Variants in SDK1 observed in about 807,000 individuals in gnomAD.
SDK1 encodes sidekick cell adhesion molecule 1, also known as protein sidekick-1.
Under a neutral mutation model 245.5 loss-of-function variants are expected in SDK1, and 157 were observed. That is an observed-to-expected ratio of 0.64 (90% confidence interval 0.56 to 0.73). The LOEUF (loss-of-function observed/expected upper bound fraction) is 0.73, where lower values mean the gene tolerates loss of function less well. Ranked by LOEUF, SDK1 falls within the 30% of genes least tolerant of loss-of-function variation. The pLI, the probability that SDK1 is intolerant of heterozygous loss-of-function variation, is 0.00. For missense variants in SDK1, 3,583 were observed against 3,002.3 expected (o/e 1.19, Z -4.52); for synonymous variants, 1,647 against 1,278.5 (o/e 1.29, Z -6.15).
intron 30 of SDK1, among the ~76,000 whole-genome samples, chr7:4,151,739 T>C (rs1780395471): frequency 1.3e-5 from 2 of 152,214 alleles, no homozygotes; most frequent in African/African-American, 4.8e-5. Context: ...GTAACAACCA[T>C]GTGGACATGC....
At chr7:4,230,292 T>C (rs972703544) in intron 40 of SDK1, among the ~76,000 whole-genome samples, 2 of 149,936 alleles carry the variant, frequency 1.3e-5, no homozygotes, top group Admixed American at 6.7e-5. Flanking sequence ...GATGGGTGGA[T>C]GGATGAATGA....
At chr7:3,770,538 A>T (rs1443367642) in intron 4 of SDK1, among the ~76,000 whole-genome samples, 1 of 152,200 alleles carries the variant, frequency 6.6e-6, no homozygotes, top group East Asian at 1.9e-4. Context: ...TGCTTTCCAG[A>T]GTGCCTGTAG....
chr7:3,633,266 A>C (rs913425432), intron 2 of SDK1, among the ~76,000 whole-genome samples: 4 of 152,160 alleles, frequency 2.6e-5, no homozygotes, highest in African/African-American at 7.2e-5. Context: ...TGAAAGAGAA[A>C]AATCTTACAT....
intron 5 of SDK1, among the ~76,000 whole-genome samples, chr7:3,887,004 C>T (rs1041691352): frequency 6.6e-6 from 1 of 152,142 alleles, no homozygotes. Context: ...AATGAGGCTA[C>T]GTTAATATTT....
At chr7:3,970,359 C>A (rs1285673428) in intron 11 of SDK1, among the ~76,000 whole-genome samples, 1 of 152,134 alleles carries the variant, frequency 6.6e-6, no homozygotes, top group African/African-American at 2.4e-5. Context: ...AATGATCATG[C>A]GTTTAAAGGA....
chr7:3,449,225 A>G (rs1462194502), intron 1 of SDK1, among the ~76,000 whole-genome samples: 1 of 152,184 alleles, frequency 6.6e-6, no homozygotes, highest in Admixed American at 6.5e-5. Context: ...ACCTACAGAG[A>G]GATCTGAAGG....
chr7:3,430,123 C>G (rs570609696), intron 1 of SDK1, among the ~76,000 whole-genome samples: 1 of 152,308 alleles, frequency 6.6e-6, no homozygotes, highest in East Asian at 1.9e-4. Flanking sequence ...GGACAGTAGG[C>G]CTGTGTTTAC....
chr7:4,211,502 G>A (rs756959810), intron 38 of SDK1, among the ~76,000 whole-genome samples: 7 of 152,170 alleles, frequency 4.6e-5, no homozygotes, highest in African/African-American at 7.2e-5. Context: ...CTGGCGTGAA[G>A]TGGAGGAATG....
At chr7:3,437,186 G>T (rs527709952) in intron 1 of SDK1, among the ~76,000 whole-genome samples, 163 of 152,214 alleles carry the variant, frequency 1.1e-3, no homozygotes, top group African/African-American at 3.8e-3. Context: ...GGGGTGAAAG[G>T]AGATATTCCA....
intron 1 of SDK1, among the ~76,000 whole-genome samples, chr7:3,351,169 T>G (rs1167176646): frequency 1.3e-5 from 2 of 152,144 alleles, no homozygotes; most frequent in Non-Finnish European, 2.9e-5. Context: ...TTCCATAGAT[T>G]GGTTAATCTT....
At chr7:3,768,504 G>T (rs969377634) in intron 4 of SDK1, among the ~76,000 whole-genome samples, 6 of 152,198 alleles carry the variant, frequency 3.9e-5, no homozygotes, top group Non-Finnish European at 8.8e-5. Flanking sequence ...TCTCAGCTCA[G>T]CAGCAGTTCC....
At chr7:3,985,149 G>C (rs1344323126) in intron 13 of SDK1, among the ~76,000 whole-genome samples, 3 of 152,056 alleles carry the variant, frequency 2.0e-5, no homozygotes, top group African/African-American at 7.3e-5. Context: ...GGATCTTGGG[G>C]CCCACCATGA....
rs148017908 is a variant in SDK1 at position 3,883,292 on chromosome 7, G to A, written c.847+61709G>A. Among the ~76,000 whole-genome samples, 614 of 152,320 alleles carry A rather than the reference G, an allele frequency of 4.0e-3. 6 individuals carry two copies. Among genetic ancestry groups the A allele is most frequent in the African/African-American group, 0.014 (597 of 41,550 alleles). ...AGGTTTCTTAAAAGCTTAAGGCCTT[G>A]TATATAGCCCTTTGCTCTGTCTCAA... On this transcript the variant is annotated intron_variant, in intron 5 of 44. Transcript: ENST00000404826.
chr7:3,386,259 T>C (rs1781607645), intron 1 of SDK1, among the ~76,000 whole-genome samples: 1 of 152,202 alleles, frequency 6.6e-6, no homozygotes, highest in Non-Finnish European at 1.5e-5. Flanking sequence ...GGTTTTATAC[T>C]TTATCTATTA....
At chr7:3,323,273 C>A (rs574989467) in intron 1 of SDK1, among the ~76,000 whole-genome samples, 41 of 152,308 alleles carry the variant, frequency 2.7e-4, no homozygotes, top group African/African-American at 9.6e-4. Flanking sequence ...CTGCATCCGG[C>A]ACAGTACCTG....
At chr7:3,947,748 C>A (rs1182198053) in intron 5 of SDK1, among the ~76,000 whole-genome samples, 1 of 151,238 alleles carries the variant, frequency 6.6e-6, no homozygotes, top group Non-Finnish European at 1.5e-5. Flanking sequence ...AGTAAAAATC[C>A]TGTTTGAAAG....
intron 5 of SDK1, among the ~76,000 whole-genome samples, chr7:3,924,176 G>C (rs1325526446): frequency 6.6e-6 from 1 of 151,978 alleles, no homozygotes; most frequent in East Asian, 1.9e-4. Flanking sequence ...GATGAGGAGG[G>C]TCTGGCATTG....
chr7:3,884,246 G>A (rs1354794836), intron 5 of SDK1, among the ~76,000 whole-genome samples: 1 of 151,954 alleles, frequency 6.6e-6, no homozygotes, highest in Non-Finnish European at 1.5e-5. Context: ...GCACCCGGCC[G>A]CCTTTCTTTC....
Position 3,619,149 on chromosome 7 carries a change from T to C in SDK1, c.368T>C (p.Val123Ala), listed in dbSNP as rs1781858665. Residue 123 changes from valine (V) to alanine (A), a missense_variant, in exon 2 of 45, where the codon GTT becomes GCT. Coordinates refer to ENST00000404826, the MANE Select transcript of SDK1 (RefSeq NM_152744.4). ...PQIHLEGNRL[V>A]LTCLAEGSWP... Reference sequence around the variant, plus strand: ...ATCCACCTGGAAGGGAACCGCCTTGTTCTCACCTGCCTTGCCGAAGGGAGC... The same window carrying C: ...ATCCACCTGGAAGGGAACCGCCTTGCTCTCACCTGCCTTGCCGAAGGGAGC... 1 of 1,614,158 alleles carries C rather than the reference T, an allele frequency of 6.2e-7. No homozygotes were observed. The highest frequency in any genetic ancestry group is 1.1e-5 in the South Asian group (1 of 91,076).
Sources: gnomAD v4.1 joint callset for allele counts (sites outside exome capture counted in the v4.1 genomes callset) on GRCh38, gnomAD v4.1.1 for gene constraint, MANE v1.5 for transcripts, NCBI Gene and HGNC (gene_info 2026-07-23, HGNC 2026-07-21) for gene names.